Variants in TTC6 observed in about 807,000 individuals in gnomAD.
TTC6 encodes the protein tetratricopeptide repeat domain 6.
Under a neutral mutation model 210.4 loss-of-function variants are expected in TTC6, and 172 were observed. The ratio of observed to expected loss-of-function variants is 0.82; its 90% CI spans 0.72 to 0.93. The LOEUF is 0.93. TTC6 is among the 40% of genes least tolerant of loss of function. The pLI is 0.00. For synonymous variants in TTC6, 804 were observed against 819.6 expected, an observed-to-expected ratio of 0.98 and a Z score of 0.32; for missense variants, 2,414 against 2,318.1, an observed-to-expected ratio of 1.04 and a Z score of -0.85.
intron 6 of TTC6, among the ~76,000 whole-genome samples, chr14:37,719,058 C>T (rs941434595): frequency 2.0e-5 from 3 of 152,104 alleles, no homozygotes; most frequent in African/African-American, 7.2e-5. Flanking sequence ...TGTGTGTCTA[C>T]AGATGAACAT....
chr14:37,719,980 A>G (rs2095858794), intron 6 of TTC6, among the ~76,000 whole-genome samples: 1 of 152,210 alleles, frequency 6.6e-6, no homozygotes, highest in Non-Finnish European at 1.5e-5. Context: ...AGAATACATA[A>G]TGAATTTTCA....
At chr14:37,793,319 C>G (rs1306954482) in intron 17 of TTC6, among the ~76,000 whole-genome samples, 1 of 152,146 alleles carries the variant, frequency 6.6e-6, no homozygotes, top group Non-Finnish European at 1.5e-5. Flanking sequence ...CTGGTTTCAG[C>G]CAGGATAAGC....
intron 1 of TTC6, among the ~76,000 whole-genome samples, chr14:37,671,066 T>C (rs182272636): frequency 3.3e-5 from 5 of 152,290 alleles, no homozygotes; most frequent in Non-Finnish European, 7.3e-5. Flanking sequence ...TAGGAGCAAC[T>C]TATCTATGTA....
intron 16 of TTC6, among the ~76,000 whole-genome samples, chr14:37,791,204 G>T (rs550851608): frequency 1.3e-5 from 2 of 152,058 alleles, no homozygotes; most frequent in Admixed American, 1.3e-4. Flanking sequence ...AAAACATTCT[G>T]CTTGGTGTAT....
At chr14:37,630,457 A>G (rs1189094624) in intron 1 of TTC6, among the ~76,000 whole-genome samples, 1 of 152,090 alleles carries the variant, frequency 6.6e-6, no homozygotes, top group Non-Finnish European at 1.5e-5. Flanking sequence ...CTTTGTTATT[A>G]TTTCCATTCT....
intron 10 of TTC6, among the ~76,000 whole-genome samples, 176 bp downstream of exon 12, chr14:37,739,331 C>T: frequency 6.6e-6 from 1 of 152,076 alleles, no homozygotes; most frequent in East Asian, 1.9e-4. Flanking sequence ...AATCCCAGCA[C>T]TTTGGGAGGC....
chr14:37,689,396 A>T (rs1193541218), intron 3 of TTC6, among the ~76,000 whole-genome samples: 1 of 152,164 alleles, frequency 6.6e-6, no homozygotes, highest in African/African-American at 2.4e-5. Context: ...AGAGGTAGAA[A>T]GTTTACTCAA....
chr14:37,804,651 GC>G (rs1257410922), intron 20 of TTC6, 28 bp from the exon 23 acceptor site: 3 of 1,602,308 alleles, frequency 1.9e-6, no homozygotes, highest in Non-Finnish European at 8.5e-7. Flanking sequence ...AACATTTCTT[GC>G]CCCCTCCCTG....
At chr14:37,819,002 A>C (rs2096149158) in intron 26 of TTC6, among the ~76,000 whole-genome samples, 1 of 152,172 alleles carries the variant, frequency 6.6e-6, no homozygotes, top group Non-Finnish European at 1.5e-5. Context: ...TCTGTATGTC[A>C]GTTCACAATC....
chr14:37,789,439 G>A (rs796818352), intron 15 of TTC6, among the ~76,000 whole-genome samples: 5 of 151,748 alleles, frequency 3.3e-5, no homozygotes, highest in African/African-American at 1.2e-4. Context: ...TTTTCTTCAA[G>A]TGATAACAGT....
At chr14:37,767,454 AG>A (rs2096002929) in intron 14 of TTC6, among the ~76,000 whole-genome samples, 2 of 152,176 alleles carry the variant, frequency 1.3e-5, no homozygotes, top group Non-Finnish European at 2.9e-5. Flanking sequence ...TATCCTCTCC[AG>A]CACCTGTTGT....
intron 5 of TTC6, among the ~76,000 whole-genome samples, chr14:37,703,963 T>C (rs965500535): frequency 3.9e-5 from 6 of 152,192 alleles, no homozygotes; most frequent in Admixed American, 6.5e-5. Context: ...ACTTGGTGAA[T>C]AGCCTTTCGG....
intron 14 of TTC6, among the ~76,000 whole-genome samples, chr14:37,776,305 C>T (rs924334905): frequency 6.6e-6 from 1 of 152,082 alleles, no homozygotes; most frequent in African/African-American, 2.4e-5. Context: ...GGCATTTAGC[C>T]TGTTTACATT....
At chr14:37,677,397 C>A (rs1050640779) in intron 1 of TTC6, among the ~76,000 whole-genome samples, 2 of 151,730 alleles carry the variant, frequency 1.3e-5, no homozygotes, top group African/African-American at 4.8e-5. Context: ...TACCCTGTAC[C>A]CTACAACTTT....
intron 7 of TTC6, among the ~76,000 whole-genome samples, chr14:37,735,157 C>A (rs1196967707): frequency 6.6e-6 from 1 of 152,044 alleles, no homozygotes; most frequent in Non-Finnish European, 1.5e-5. Flanking sequence ...TTGGTGATTC[C>A]TAAGTTACCC....
At chr14:37,837,077 G>T (rs940786088) in intron 29 of TTC6, among the ~76,000 whole-genome samples, 1 of 152,072 alleles carries the variant, frequency 6.6e-6, no homozygotes, top group Non-Finnish European at 1.5e-5. Context: ...GATACCTTTA[G>T]CCTCTAACTG....
At chr14:37,803,948 G>A (rs536877851) in intron 20 of TTC6, among the ~76,000 whole-genome samples, 2 of 152,178 alleles carry the variant, frequency 1.3e-5, no homozygotes, top group South Asian at 4.1e-4. Context: ...TTAAGAAGAT[G>A]GTATAACCAG....
intron 1 of TTC6, among the ~76,000 whole-genome samples, chr14:37,659,181 A>G (rs942962139): frequency 1.5e-4 from 23 of 152,032 alleles, no homozygotes; most frequent in Non-Finnish European, 2.9e-4. Flanking sequence ...TCACTCTACC[A>G]TTGATGGACA....
intron 1 of TTC6, among the ~76,000 whole-genome samples, chr14:37,658,670 A>G (rs9671863): frequency 0.19 from 28,551 of 152,186 alleles, 3,175 homozygotes; most frequent in Middle Eastern, 0.28. Context: ...CTTGACTTCT[A>G]CACAATCTAT....
Sources: allele counts gnomAD v4.1 joint callset (sites outside exome capture counted in the v4.1 genomes callset), GRCh38; gene constraint gnomAD v4.1.1; transcripts MANE v1.5; gene names NCBI Gene and HGNC (gene_info 2026-07-23, HGNC 2026-07-21).